Variants in KLHL7 observed in about 807,000 individuals in gnomAD.
The protein encoded by KLHL7 is kelch-like protein 7.
A neutral mutation model predicts 67.4 loss-of-function variants in KLHL7; 44 were observed. The observed-to-expected ratio is 0.65, with a 90% CI of 0.51 to 0.84. KLHL7 has a LOEUF of 0.84. Among genes scored for constraint, KLHL7 ranks in the 40% least tolerant of loss-of-function variants. The pLI is 0.00. For missense variants in KLHL7, 362 were observed against 718.1 expected (o/e 0.50, Z 5.67); for synonymous variants, 252 against 243.3 (o/e 1.04, Z -0.33).
At chr7:23,125,026 A>G (rs1783516295) in intron 3 of KLHL7, 22 bp from the exon 4 acceptor site, 1 of 1,601,834 alleles carries the variant, frequency 6.2e-7, no homozygotes, top group Non-Finnish European at 8.6e-7. Flanking sequence ...GGTAACTAAT[A>G]TTCCCTCTAA....
intron 1 of KLHL7, among the ~76,000 whole-genome samples, chr7:23,113,110 A>G (rs1782941252): frequency 6.8e-6 from 1 of 146,366 alleles, no homozygotes; most frequent in Non-Finnish European, 1.5e-5. Context: ...AGGAGTTTCT[A>G]TCCAGTGATT....
rs1562576924 is a variant in KLHL7, at chr7:23,146,422, G to C, written c.793+2397G>C. Among the ~76,000 whole-genome samples the C allele has an allele frequency of 3.9e-5, 6 of 152,158 alleles. No individual in the cohort carries two copies. The South Asian group carries it at 1.2e-3, about 31-fold the overall frequency. ...GTCTCTTAGTACTATCAAAGACGGA[G>C]TTTGTGTTTGTTTCTTGTTTCTTTG... is the stretch of plus-strand genomic sequence containing the variant. On this transcript the variant is annotated intron_variant, in intron 6 of 10. Coordinates refer to ENST00000339077, the MANE Select transcript of KLHL7 (RefSeq NM_001031710.3).
chr7:23,134,914 A>T (rs1783925056), intron 4 of KLHL7, among the ~76,000 whole-genome samples: 1 of 151,020 alleles, frequency 6.6e-6, no homozygotes, highest in East Asian at 1.9e-4. Flanking sequence ...TGTTTCATTG[A>T]TCTTTTGTAT....
rs747916474 is a variant in KLHL7 at position 23,173,037 on chromosome 7, A to G, written c.1469A>G (p.Asn490Ser). 41 of 1,611,356 alleles carry G rather than the reference A, an allele frequency of 2.5e-5. No individual in the cohort carries two copies. Among genetic ancestry groups the G allele is most frequent in the Non-Finnish European group, 2.8e-5 (33 of 1,177,698 alleles). Residue 490 changes from asparagine (N) to serine (S), a missense_variant, in exon 10 of 11, where the codon AAT becomes AGT. Around this residue, in one of 5 missense-constraint regions of KLHL7, gnomAD observed 136 missense variants for 252.7 expected, o/e 0.54. Transcript: ENST00000339077. ...AAGATATTTGCTGTGGGTGGTCAGA[A>G]TGGTTTAGGTATGTGATGTTAATTC... ...KDKIFAVGGQNGLGGLDNVEY... is the reference protein window; with the variant it reads ...KDKIFAVGGQSGLGGLDNVEY...
intron 4 of KLHL7, chr7:23,140,543 C>T (rs1264417253): frequency 7.6e-6 from 4 of 526,902 alleles, no homozygotes; most frequent in South Asian, 5.4e-5. Context: ...GGCGATGGAG[C>T]GAGACTCCGT....
At chr7:23,169,509 C>G (rs901858551) in intron 9 of KLHL7, among the ~76,000 whole-genome samples, 5 of 152,056 alleles carry the variant, frequency 3.3e-5, no homozygotes, top group Admixed American at 2.0e-4. Context: ...AAAAGTGTTA[C>G]AGCATACTAG....
At position 23,174,091 on chromosome 7, in the gene KLHL7, T is replaced by G. The variant is rs1214931327; in HGVS notation, c.1554T>G (p.Gly518=). 6 of 1,614,004 alleles carry G rather than the reference T, an allele frequency of 3.7e-6. No homozygotes were observed. The Admixed American group carries it at 1.0e-4, about 27-fold the overall frequency. ...WKMVSPMPWK[G]VTVKCAAVGS... ...TGGTCTCACCAATGCCATGGAAGGG[T>G]GTAACAGTGAAATGTGCAGCAGTTG... is the stretch of plus-strand genomic sequence containing the variant. Residue 518 remains glycine, a synonymous_variant, in exon 11 of 11, where the codon GGT becomes GGG. Coordinates refer to ENST00000339077, the MANE Select transcript of KLHL7 (RefSeq NM_001031710.3).
chr7:23,154,696 G>A (rs1784645042), intron 7 of KLHL7, among the ~76,000 whole-genome samples: 1 of 152,182 alleles, frequency 6.6e-6, no homozygotes, highest in Non-Finnish European at 1.5e-5. Context: ...GATCCTTGAG[G>A]TCAGACCATG....
intron 6 of KLHL7, among the ~76,000 whole-genome samples, chr7:23,149,982 G>T (rs1225837506): frequency 1.3e-5 from 2 of 152,050 alleles, no homozygotes; most frequent in Non-Finnish European, 2.9e-5. Context: ...CTCATTTATA[G>T]AAATGTTTTG....
intron 4 of KLHL7, among the ~76,000 whole-genome samples, chr7:23,138,481 AAAAG>A (rs1213292108): frequency 0.021 from 3,035 of 146,658 alleles, 105 homozygotes; most frequent in East Asian, 0.12. Context: ...AAAAAAAAAA[AAAAG>A]AAGGTATAAA....
intron 4 of KLHL7, among the ~76,000 whole-genome samples, chr7:23,133,402 A>G (rs1275024205): frequency 6.6e-6 from 1 of 151,578 alleles, no homozygotes; most frequent in African/African-American, 2.4e-5. Context: ...GGCTATTGTA[A>G]ATGGGGCTAC....
At chr7:23,121,109 T>C (rs1325887580) in intron 1 of KLHL7, among the ~76,000 whole-genome samples, 1 of 152,226 alleles carries the variant, frequency 6.6e-6, no homozygotes, top group Non-Finnish European at 1.5e-5. Flanking sequence ...GTTCCTAGCT[T>C]ATTTCAACTA....
chr7:23,157,607 A>AAATATT (rs1784745512), intron 7 of KLHL7, among the ~76,000 whole-genome samples: 3 of 151,594 alleles, frequency 2.0e-5, no homozygotes, highest in African/African-American at 2.4e-5. Flanking sequence ...TCCAAAATAG[A>AAATATT]GAGTCTCAAT....
intron 4 of KLHL7, among the ~76,000 whole-genome samples, chr7:23,133,689 C>T (rs1449971211): frequency 3.9e-5 from 6 of 152,202 alleles, no homozygotes; most frequent in Non-Finnish European, 5.9e-5. Flanking sequence ...CCGCCTCAGC[C>T]TCCCAAAGTG....
At chr7:23,130,101 A>G (rs1783741184) in intron 4 of KLHL7, among the ~76,000 whole-genome samples, 1 of 152,212 alleles carries the variant, frequency 6.6e-6, no homozygotes, top group Non-Finnish European at 1.5e-5. Context: ...GCAGTGTGCA[A>G]TTCAAAAACA....
intron 7 of KLHL7, among the ~76,000 whole-genome samples, chr7:23,157,584 T>C (rs1784744425): frequency 8.1e-6 from 1 of 123,118 alleles, no homozygotes; most frequent in African/African-American, 3.0e-5. Context: ...TGCTCTGGTT[T>C]CCTAGAAGGT....
rs192024391 is a variant in KLHL7, at chr7:23,170,044, G to A, written c.1379+2007G>A. 1.1e-3 allele frequency among the ~76,000 whole-genome samples: 166 copies of A among 151,968 alleles called. 1 individual carries two copies. Among genetic ancestry groups the A allele is most frequent in the African/African-American group, 3.8e-3 (156 of 41,454 alleles). ...GACCAACATGGTGAAACTCTGTCTC[G>A]TCTAAAAATACCAAAAAAAATTAGC... On this transcript the variant is annotated intron_variant, in intron 9 of 10. Transcript: ENST00000339077.
intron 9 of KLHL7, chr7:23,172,153 C>A (rs1282782752): frequency 4.4e-6 from 2 of 456,414 alleles, no homozygotes; most frequent in Non-Finnish European, 4.4e-6. Context: ...GCCTGTGTGC[C>A]AGTACCACCT....
intron 1 of KLHL7, chr7:23,106,786 C>T: frequency 2.0e-6 from 2 of 984,636 alleles, no homozygotes; most frequent in Non-Finnish European, 2.4e-6. Context: ...TGCAGCACAT[C>T]GGCGAAAGGT....
Sources: allele counts gnomAD v4.1 joint callset (sites outside exome capture counted in the v4.1 genomes callset), GRCh38; gene constraint gnomAD v4.1.1; regional missense constraint gnomAD v4.1.1; transcripts MANE v1.5; gene names NCBI Gene and HGNC (gene_info 2026-07-23, HGNC 2026-07-21).